Variants in ABLIM2 observed in about 807,000 individuals in gnomAD.
ABLIM2 encodes the protein actin-binding LIM protein 2.
Under a neutral mutation model 97.7 loss-of-function variants are expected in ABLIM2, and 53 were observed. The ratio of observed to expected loss-of-function variants is 0.54; its 90% CI spans 0.44 to 0.68. The LOEUF is 0.68. ABLIM2 is among the 30% of genes least tolerant of loss of function. The probability of loss-of-function intolerance (pLI) is 0.00; values close to 1 mark genes in which losing one functional copy is unlikely to be tolerated. For synonymous variants in ABLIM2, 361 were observed against 345.8 expected, an observed-to-expected ratio of 1.04 and a Z score of -0.49; for missense variants, 835 against 867.2, an observed-to-expected ratio of 0.96 and a Z score of 0.47.
intron 8 of ABLIM2, among the ~76,000 whole-genome samples, chr4:8,050,873 G>C (rs1479394756): frequency 6.6e-6 from 1 of 152,234 alleles, no homozygotes; most frequent in African/African-American, 2.4e-5. Flanking sequence ...GTTGGCCAGA[G>C]GCCAACTAGC....
intron 8 of ABLIM2, among the ~76,000 whole-genome samples, chr4:8,050,937 A>G (rs1421158453): frequency 6.6e-6 from 1 of 152,238 alleles, no homozygotes. Context: ...CCCAGGAAAC[A>G]AGGACGCCTG....
rs1402521854 is a variant in ABLIM2 at position 7,970,375 on chromosome 4, C to T, written c.1825-3272G>A. Among the ~76,000 whole-genome samples, 3 of 151,916 alleles carry T rather than the reference C, an allele frequency of 2.0e-5. No individual in the cohort carries two copies. The highest frequency in any genetic ancestry group is 2.9e-5 in the Non-Finnish European group (2 of 67,988). The stretch of plus-strand genomic sequence containing the variant: ...GAAGGTGTCAAGGGGGTGGTGTGCC[C>T]CCTGCCATCTGCAATCGTGTACTTA... On this transcript the variant is annotated intron_variant, in intron 20 of 20. Coordinates refer to ENST00000447017, the MANE Select transcript of ABLIM2 (RefSeq NM_001130083.2). The surrounding 1 kb of genome is among the most constrained non-coding windows in gnomAD (Gnocchi z 5.3).
intron 12 of ABLIM2, among the ~76,000 whole-genome samples, chr4:8,025,888 G>A (rs933133276): frequency 6.6e-6 from 1 of 152,208 alleles, no homozygotes; most frequent in African/African-American, 2.4e-5. Context: ...TCACCCAAAT[G>A]GTTGATTCAC....
chr4:8,005,288 G>A lies in ABLIM2; in HGVS notation c.1618+2771C>T, dbSNP rs753808172. ...TCTTCTCTGTCCCCCTCGGCGCCCCGCTCAGCGTCTGGCACAGAGTGGGTG... is the reference window on the plus strand; with the variant it reads ...TCTTCTCTGTCCCCCTCGGCGCCCCACTCAGCGTCTGGCACAGAGTGGGTG... On this transcript the variant is annotated intron_variant, in intron 16 of 20. Transcript: ENST00000447017. The surrounding 1 kb of genome is among the most constrained non-coding windows in gnomAD (Gnocchi z 4.9). 4 of 526,438 alleles carry A rather than the reference G, an allele frequency of 7.6e-6. No homozygotes were observed. Among genetic ancestry groups the A allele is most frequent in the East Asian group, 5.5e-5 (1 of 18,146 alleles). The allele number at this position is 526,438 out of a possible 1,614,324, so 32.6% of individuals were successfully genotyped here.
rs187487439 is a variant in ABLIM2 at position 7,983,183 on chromosome 4, G to A, written c.1824+81C>T. 9.6e-6 allele frequency: 14 copies of A among 1,459,526 alleles called. No homozygotes were observed. The East Asian group carries it at 1.2e-4, about 13-fold the overall frequency. The allele number at this position is 1,459,526 out of a possible 1,614,324, so 90.4% of individuals were successfully genotyped here. A position where few individuals can be genotyped will look rare whatever the true frequency, so the allele number is the denominator to read the frequency against. The stretch of plus-strand genomic sequence containing the variant: ...CCCCCACGGTGGCCCCTTGGGCAAC[G>A]ACCTTGACACCACGGAGGAGGCATC... On this transcript the variant is annotated intron_variant, in intron 20 of 20. Transcript: ENST00000447017.
At chr4:8,157,580 T>C (rs562731911) in intron 1 of ABLIM2, among the ~76,000 whole-genome samples, 9 of 152,198 alleles carry the variant, frequency 5.9e-5, no homozygotes, top group Non-Finnish European at 2.9e-5. Context: ...CCCTGGCCCT[T>C]AGCCCCCGCC....
rs1318618655 is a variant in ABLIM2 at position 8,067,602 on chromosome 4, C to T, written c.676-6548G>A. 1.3e-5 allele frequency: 2 copies of T among 152,308 alleles called. No homozygotes were observed. Among genetic ancestry groups the T allele is most frequent in the Non-Finnish European group, 2.9e-5 (2 of 68,092 alleles). The allele number at this position is 152,308 out of a possible 1,614,324, so 9.4% of individuals were successfully genotyped here. A position where few individuals can be genotyped will look rare whatever the true frequency, so the allele number is the denominator to read the frequency against. ...TTACATTTTAAGGACGCTCCATGTT[C>T]TGGAACAATCCACCCATGGTGGAGG... On this transcript the variant is annotated intron_variant, in intron 6 of 20. Transcript: ENST00000447017. The surrounding 1 kb of genome is among the most constrained non-coding windows in gnomAD (Gnocchi z 5.4).
chr4:8,019,138 G>T lies in ABLIM2; in HGVS notation c.1423+480C>A, dbSNP rs1020530551. Among the ~76,000 whole-genome samples, 1 of 152,194 alleles carries T rather than the reference G, an allele frequency of 6.6e-6. No homozygotes were observed. Among genetic ancestry groups the T allele is most frequent in the African/African-American group, 2.4e-5 (1 of 41,442 alleles). ...ATGCAAGAAATCTCCGTAACGGAAG[G>T]CAAGGTCACCCATCCCATCATCAGA... On this transcript the variant is annotated intron_variant, in intron 14 of 20. Transcript: ENST00000447017. The surrounding 1 kb of genome is among the most constrained non-coding windows in gnomAD (Gnocchi z 4.3).
chr4:8,012,789 C>T (rs1765938499), intron 14 of ABLIM2, among the ~76,000 whole-genome samples: 1 of 152,180 alleles, frequency 6.6e-6, no homozygotes, highest in Admixed American at 6.5e-5. Flanking sequence ...CTCACGCATC[C>T]ATCTACCCAC....
Position 8,008,047 on chromosome 4 carries a change from A to G in ABLIM2, c.1618+12T>C, listed in dbSNP as rs749021058. 6.2e-7 allele frequency: 1 copy of G among 1,613,306 alleles called. No homozygotes were observed. Among genetic ancestry groups the G allele is most frequent in the Non-Finnish European group, 8.5e-7 (1 of 1,179,394 alleles). ...TGCACATCACGGCTCCTTCTTCAAA[A>G]GAACCACTCACGTGAGTGAAAGCTG... On this transcript the variant is annotated intron_variant, in intron 16 of 20. Coordinates refer to ENST00000447017, the MANE Select transcript of ABLIM2 (RefSeq NM_001130083.2).
At position 7,966,671 on chromosome 4, in the gene ABLIM2, C is replaced by T. The variant is rs1723110433; in HGVS notation, c.*319G>A. On this transcript the variant is annotated 3_prime_UTR_variant, in exon 21 of 21. Transcript: ENST00000447017. ...GCCCAGCACCGGGGCCAGGGCACCT[C>T]GAGAACGCTGGGAAGGTGGGCTGGG... is the stretch of plus-strand genomic sequence containing the variant. 1 of 306,424 alleles carries T rather than the reference C, an allele frequency of 3.3e-6. No individual in the cohort carries two copies. The highest frequency in any genetic ancestry group is 4.5e-5 in the Admixed American group (1 of 22,226). 19.0% of individuals were successfully genotyped at this position (306,424 alleles called of 1,614,324 possible). A position where few individuals can be genotyped will look rare whatever the true frequency, so the allele number is the denominator to read the frequency against.
Position 7,966,802 on chromosome 4 carries a change from G to A in ABLIM2, c.*188C>T, listed in dbSNP as rs949575553. The A allele has an allele frequency of 2.3e-5, 13 of 570,596 alleles. No individual in the cohort carries two copies. Among genetic ancestry groups the A allele is most frequent in the South Asian group, 7.0e-5 (3 of 43,160 alleles). The allele number at this position is 570,596 out of a possible 1,614,324, so 35.3% of individuals were successfully genotyped here. A position where few individuals can be genotyped will look rare whatever the true frequency, so the allele number is the denominator to read the frequency against. The stretch of plus-strand genomic sequence containing the variant: ...AGGGTGGCGTGAAGCTAGCCGTCTC[G>A]GCCCTAAACTACCGGCAGGAGTGTC... On this transcript the variant is annotated 3_prime_UTR_variant, in exon 21 of 21. Coordinates refer to ENST00000447017, the MANE Select transcript of ABLIM2 (RefSeq NM_001130083.2).
In ABLIM2 at chr4:8,097,119, G is replaced by A. The variant is rs1457551447; in HGVS notation, c.318C>T (p.Cys106=). 4 of 1,609,808 alleles carry A rather than the reference G, an allele frequency of 2.5e-6. No homozygotes were observed. Among genetic ancestry groups the A allele is most frequent in the Non-Finnish European group, 2.5e-6 (3 of 1,177,918 alleles). ...CTCACCGGCAGACGGCACACACGAAGCAGTCGGGGTGGTAGGTCTTGCCCA... is the reference window on the plus strand; with the variant it reads ...CTCACCGGCAGACGGCACACACGAAACAGTCGGGGTGGTAGGTCTTGCCCA... ...SALGKTYHPD[C]FVCAVCRLPF... The change falls in exon 3 of 21, where the codon TGC becomes TGT. Residue 106 remains cysteine (C), a synonymous_variant. Transcript: ENST00000447017.
At chr4:8,094,418 T>A (rs1389764263) in intron 3 of ABLIM2, among the ~76,000 whole-genome samples, 4 of 152,106 alleles carry the variant, frequency 2.6e-5, no homozygotes, top group Non-Finnish European at 5.9e-5. Context: ...GCTCTCCAAG[T>A]GCGCAATTCC....
intron 12 of ABLIM2, among the ~76,000 whole-genome samples, chr4:8,026,006 T>G (rs1777083770): frequency 6.6e-6 from 1 of 152,152 alleles, no homozygotes; most frequent in Non-Finnish European, 1.5e-5. Context: ...CTGGCTTTGC[T>G]TGTTTGTTTG....
At chr4:8,074,026 G>A (rs2152368070) in intron 6 of ABLIM2, among the ~76,000 whole-genome samples, 1 of 143,372 alleles carries the variant, frequency 7.0e-6, no homozygotes, top group Non-Finnish European at 1.5e-5. Context: ...GGTGGAGGTT[G>A]CAGTGAGCCG....
At chr4:8,051,331 G>A (rs1174301554) in intron 8 of ABLIM2, among the ~76,000 whole-genome samples, 1 of 151,982 alleles carries the variant, frequency 6.6e-6, no homozygotes, top group East Asian at 1.9e-4. Context: ...GGCGGATCCC[G>A]AGGTCAAGAG....
intron 12 of ABLIM2, 89 bp from the exon 13 acceptor site, chr4:8,020,392 G>A (rs781055089): frequency 5.1e-6 from 6 of 1,182,860 alleles, no homozygotes; most frequent in Non-Finnish European, 7.4e-6. Flanking sequence ...TATTTGCAGC[G>A]AGCCCCATCT....
intron 5 of ABLIM2, among the ~76,000 whole-genome samples, chr4:8,078,906 C>T (rs73075903): frequency 0.025 from 3,866 of 152,332 alleles, 154 homozygotes; most frequent in African/African-American, 0.081. Flanking sequence ...CAATGCGCCC[C>T]TTCCAGCATC....
Sources: gnomAD v4.1 joint callset for allele counts (sites outside exome capture counted in the v4.1 genomes callset) on GRCh38, gnomAD v4.1.1 for gene constraint, Gnocchi (gnomAD v3.1) non-coding constraint, MANE v1.5 for transcripts, NCBI Gene and HGNC (gene_info 2026-07-23, HGNC 2026-07-21) for gene names.